The following DAB2IP variants were observed in gnomAD, a reference collection of about 807,000 sequenced individuals.
DAB2IP encodes the protein DAB2 interacting protein, also known as disabled homolog 2-interacting protein.
In DAB2IP, 28 loss-of-function variants were observed where a neutral mutation model predicts 107.2. That is an observed-to-expected ratio of 0.26 (90% CI 0.19 to 0.36). The LOEUF is 0.36. Among genes scored for constraint, DAB2IP ranks in the 10% least tolerant of loss-of-function variants. DAB2IP has a pLI of 1.00. For synonymous variants in DAB2IP, 755 were observed against 706.4 expected, an observed-to-expected ratio of 1.07 and a Z score of -1.09; for missense variants, 1,400 against 1,644.7, an observed-to-expected ratio of 0.85 and a Z score of 2.57.
At position 121,761,392 on chromosome 9, in the gene DAB2IP, G is replaced by A. The variant is rs76872003; in HGVS notation, c.1170+953G>A. 8.1e-3 allele frequency among the ~76,000 whole-genome samples: 1,227 copies of A among 152,346 alleles called. 17 individuals carry two copies. Among genetic ancestry groups the A allele is most frequent in the African/African-American group, 0.028 (1,180 of 41,586 alleles). Reference sequence around the variant, plus strand: ...TGGCGTGTTGTGAGCCAAGTGGCAGGTGGCTGAGGGGCACCCTGTGTCAAG... The same window carrying A: ...TGGCGTGTTGTGAGCCAAGTGGCAGATGGCTGAGGGGCACCCTGTGTCAAG... On this transcript the variant is annotated intron_variant, in intron 6 of 15. Coordinates refer to ENST00000408936, the Ensembl canonical transcript of DAB2IP.
intron 1 of DAB2IP, among the ~76,000 whole-genome samples, chr9:121,678,171 C>T (rs537493762): frequency 3.3e-5 from 5 of 152,318 alleles, no homozygotes; most frequent in Admixed American, 1.3e-4. Context: ...CTCTCATCAG[C>T]CTCTGCTAAC....
At chr9:121,713,886 T>C (rs1830460429) in intron 3 of DAB2IP, among the ~76,000 whole-genome samples, 1 of 152,172 alleles carries the variant, frequency 6.6e-6, no homozygotes, top group South Asian at 2.1e-4. Flanking sequence ...ATGAACAGAA[T>C]CCTGCTCTGC....
intron 15 of DAB2IP, 47 bp downstream of exon 15, chr9:121,781,598 G>C (rs1464220572): frequency 6.3e-7 from 1 of 1,577,932 alleles, no homozygotes; most frequent in Non-Finnish European, 8.6e-7. Flanking sequence ...AAAGGGCCTG[G>C]GATTAGGAGG....
chr9:121,776,136 C>T lies in DAB2IP; in HGVS notation c.3121-62C>T, dbSNP rs1835182602. ...CCTCCTACCCTTCCTCCCACTCGGG[C>T]TGACGAAGCTGTGCTCTCTGTGTCC... is the stretch of plus-strand genomic sequence containing the variant. On this transcript the variant is annotated intron_variant, in intron 13 of 15. Transcript: ENST00000408936. The surrounding 1 kb of genome is among the most constrained non-coding windows in gnomAD (Gnocchi z 5.4). The T allele has an allele frequency of 2.6e-6, 4 of 1,536,662 alleles. No homozygotes were observed. Among genetic ancestry groups the T allele is most frequent in the African/African-American group, 1.4e-5 (1 of 72,636 alleles).
chr9:121,608,777 C>T (rs545746661), intron 1 of DAB2IP, among the ~76,000 whole-genome samples: 2 of 152,296 alleles, frequency 1.3e-5, no homozygotes, highest in Admixed American at 1.3e-4. Flanking sequence ...ATTTTTTAAA[C>T]CCTCAGAAGA....
chr9:121,614,396 A>C (rs935302065), intron 1 of DAB2IP, among the ~76,000 whole-genome samples: 19 of 137,972 alleles, frequency 1.4e-4, no homozygotes, highest in African/African-American at 3.8e-4. Context: ...GCTGGAGTGC[A>C]ATGGCATGGT....
exon 16 of DAB2IP, chr9:121,783,693 C>T (rs1835816945): frequency 1.9e-6 from 2 of 1,080,648 alleles, no homozygotes. Flanking sequence ...GTGTGTGTGG[C>T]CGGCCTCCTC....
At position 121,634,446 on chromosome 9, in the gene DAB2IP, G is replaced by C. The variant is rs1832006602; in HGVS notation, c.41-44232G>C. 6.6e-6 allele frequency among the ~76,000 whole-genome samples: 1 copy of C among 152,190 alleles called. No homozygotes were observed. Among genetic ancestry groups the C allele is most frequent in the Non-Finnish European group, 1.5e-5 (1 of 68,038 alleles). ...GAGGAGGGTGAAATGGCCACCCTTA[G>C]TGTACACAGGAGCCCCACCCTGAGC... On this transcript the variant is annotated intron_variant, in intron 1 of 16. Transcript: ENST00000259371. This position sits in a 1 kb window ranked among gnomAD's most constrained non-coding sequence, Gnocchi z 4.7.
exon 10 of DAB2IP, chr9:121,768,472 T>A: frequency 6.2e-7 from 1 of 1,614,202 alleles, no homozygotes; most frequent in South Asian, 1.1e-5. Context: ...CATGAACCAG[T>A]TCCTAGAGCA....
intron 3 of DAB2IP, among the ~76,000 whole-genome samples, chr9:121,747,157 G>T (rs992254136): frequency 6.6e-6 from 1 of 152,030 alleles, no homozygotes; most frequent in South Asian, 2.1e-4. Flanking sequence ...GGGGCTGGGG[G>T]TAGGGGGACT....
intron 1 of DAB2IP, among the ~76,000 whole-genome samples, chr9:121,617,409 A>G (rs2118988072): frequency 6.6e-6 from 1 of 152,332 alleles, no homozygotes; most frequent in African/African-American, 2.4e-5. Context: ...CCCAATTTCA[A>G]ATGAGTGAAT....
chr9:121,762,385 C>T (rs552303286), intron 6 of DAB2IP, among the ~76,000 whole-genome samples: 5 of 152,256 alleles, frequency 3.3e-5, no homozygotes, highest in African/African-American at 4.8e-5. Context: ...GGGAGATGCA[C>T]CTCTGACCCC....
chr9:121,679,455 A>ACACACACACACACACCG, intron 2 of DAB2IP, among the ~76,000 whole-genome samples: 1 of 118,012 alleles, frequency 8.5e-6, no homozygotes, highest in African/African-American at 4.6e-5. Flanking sequence ...CACACACACC[A>ACACACACACACACACCG]GAGTTCTGGG....
chr9:121,684,686 C>A lies in DAB2IP; in HGVS notation c.228+5905C>A, dbSNP rs913745237. Among the ~76,000 whole-genome samples, 2 of 152,244 alleles carry A rather than the reference C, an allele frequency of 1.3e-5. No homozygotes were observed. Among genetic ancestry groups the A allele is most frequent in the African/African-American group, 4.8e-5 (2 of 41,464 alleles). The stretch of plus-strand genomic sequence containing the variant: ...CTGCAGAGCCGGCCCCGCTGCCCCC[C>A]ATTTGTGCCCCTTCCAAGCTACGGA... On this transcript the variant is annotated intron_variant, in intron 2 of 15. Coordinates refer to ENST00000408936, the Ensembl canonical transcript of DAB2IP. The surrounding 1 kb of genome is among the most constrained non-coding windows in gnomAD (Gnocchi z 4.0).
intron 3 of DAB2IP, among the ~76,000 whole-genome samples, chr9:121,733,700 C>T (rs906403588): frequency 1.2e-4 from 18 of 152,120 alleles, no homozygotes; most frequent in African/African-American, 3.9e-4. Flanking sequence ...TTCCTGTGCC[C>T]GGGGCCACTG....
At chr9:121,612,456 A>G (rs1422210754) in intron 1 of DAB2IP, among the ~76,000 whole-genome samples, 1 of 152,214 alleles carries the variant, frequency 6.6e-6, no homozygotes, top group Non-Finnish European at 1.5e-5. Flanking sequence ...GAAAGGGGAT[A>G]ATAGAGAAAA....
intron 1 of DAB2IP, among the ~76,000 whole-genome samples, chr9:121,663,656 G>A (rs1328939870): frequency 6.6e-6 from 1 of 152,200 alleles, no homozygotes; most frequent in Middle Eastern, 3.2e-3. Flanking sequence ...ATAGTTCCAT[G>A]GCCTCAGGAC....
At chr9:121,695,945 T>C (rs866420259) in intron 2 of DAB2IP, among the ~76,000 whole-genome samples, 3 of 152,172 alleles carry the variant, frequency 2.0e-5, no homozygotes, top group Non-Finnish European at 4.4e-5. Flanking sequence ...CTTGGCTCAC[T>C]GCAGCCTCCA....
intron 1 of DAB2IP, among the ~76,000 whole-genome samples, chr9:121,595,876 A>G (rs1830519836): frequency 6.6e-6 from 1 of 152,164 alleles, no homozygotes; most frequent in Non-Finnish European, 1.5e-5. Flanking sequence ...AGTTTGTGGA[A>G]TTACAGGAAT....
Sources: gnomAD v4.1 joint callset for allele counts (sites outside exome capture counted in the v4.1 genomes callset) on GRCh38, gnomAD v4.1.1 for gene constraint, Gnocchi (gnomAD v3.1) non-coding constraint, MANE v1.5 for transcripts, NCBI Gene and HGNC (gene_info 2026-07-23, HGNC 2026-07-21) for gene names.